The following TRPM3 variants were observed in gnomAD, a reference collection of about 807,000 sequenced individuals.
TRPM3 encodes transient receptor potential cation channel subfamily M member 3, also known as long transient receptor potential channel 3.
Under a neutral mutation model 181.2 loss-of-function variants are expected in TRPM3, and 77 were observed. The ratio of observed to expected loss-of-function variants is 0.42; its 90% CI spans 0.35 to 0.51. The LOEUF (loss-of-function observed/expected upper bound fraction) is 0.51, where lower values mean the gene tolerates loss of function less well. TRPM3 is among the 20% of genes least tolerant of loss of function. The probability of loss-of-function intolerance (pLI) is 0.01; values close to 1 mark genes in which losing one functional copy is unlikely to be tolerated. For missense variants in TRPM3, 1,759 were observed against 2,196.7 expected (o/e 0.80, Z 3.98); for synonymous variants, 745 against 796.4 (o/e 0.94, Z 1.09).
chr9:71,089,838 CAG>C (rs2065907489), intron 1 of TRPM3, among the ~76,000 whole-genome samples: 1 of 152,040 alleles, frequency 6.6e-6, no homozygotes, highest in South Asian at 2.1e-4. Context: ...AGGCTGCCAT[CAG>C]AGAGAGGAGC....
intron 1 of TRPM3, among the ~76,000 whole-genome samples, chr9:71,210,977 AC>A (rs2079461205): frequency 6.6e-6 from 1 of 152,142 alleles, no homozygotes; most frequent in Non-Finnish European, 1.5e-5. Flanking sequence ...TTAGGGCTCC[AC>A]CCTATGACCT....
At chr9:70,817,922 C>A (rs1224713280) in intron 6 of TRPM3, among the ~76,000 whole-genome samples, 1 of 151,926 alleles carries the variant, frequency 6.6e-6, no homozygotes, top group Non-Finnish European at 1.5e-5. Context: ...TTATTTCAAT[C>A]ATGTTGACGT....
At chr9:70,857,236 G>C (rs2095410527) in intron 3 of TRPM3, among the ~76,000 whole-genome samples, 2 of 152,114 alleles carry the variant, frequency 1.3e-5, no homozygotes, top group African/African-American at 4.8e-5. Flanking sequence ...GTAGGATGTG[G>C]CTTGGTACTT....
Position 70,802,050 on chromosome 9 carries a change from A to C in TRPM3, c.974-17771T>G, listed in dbSNP as rs148870852. On this transcript the variant is annotated intron_variant, in intron 6 of 25. Transcript: ENST00000677713. ...AGCAGGTCTAGAATAAGACCTGAGA[A>C]TGTACATTTCAAGGAAGTTTCCAAG... Among the ~76,000 whole-genome samples, 473 of 152,336 alleles carry C rather than the reference A, an allele frequency of 3.1e-3. 7 individuals carry two copies. The highest frequency in any genetic ancestry group is 0.011 in the African/African-American group (452 of 41,584).
intron 1 of TRPM3, among the ~76,000 whole-genome samples, chr9:71,251,168 T>C (rs991106499): frequency 9.2e-5 from 14 of 152,212 alleles, no homozygotes; most frequent in Non-Finnish European, 2.1e-4. Context: ...CCAAGACTTC[T>C]ACCAGCTTCA....
intron 1 of TRPM3, among the ~76,000 whole-genome samples, chr9:71,336,605 T>TAA (rs1400129845): frequency 2.0e-5 from 3 of 152,158 alleles, no homozygotes; most frequent in Non-Finnish European, 2.9e-5. Flanking sequence ...AAAACTACTT[T>TAA]AAATTTCATA....
chr9:71,236,899 T>C (rs2081378969), intron 1 of TRPM3, among the ~76,000 whole-genome samples: 1 of 151,784 alleles, frequency 6.6e-6, no homozygotes. Context: ...ACACAAAAAT[T>C]AGCCAGTCGT....
chr9:71,156,355 A>T (rs2075997852), intron 1 of TRPM3, among the ~76,000 whole-genome samples: 1 of 147,052 alleles, frequency 6.8e-6, no homozygotes, highest in African/African-American at 2.5e-5. Context: ...ATTGTTCATT[A>T]GGTATTATAT....
At chr9:70,993,456 G>A (rs2097508389) in intron 1 of TRPM3, among the ~76,000 whole-genome samples, 1 of 152,138 alleles carries the variant, frequency 6.6e-6, no homozygotes, top group Non-Finnish European at 1.5e-5. Flanking sequence ...CATAGAATGG[G>A]CGCTTTAGCA....
chr9:71,063,751 T>C (rs2061588564), intron 1 of TRPM3, among the ~76,000 whole-genome samples: 4 of 152,104 alleles, frequency 2.6e-5, no homozygotes, highest in Admixed American at 2.6e-4. Flanking sequence ...CACCTGAGAA[T>C]GCAGTATAAA....
At chr9:70,875,625 A>G (rs1406028574) in intron 1 of TRPM3, among the ~76,000 whole-genome samples, 1 of 151,982 alleles carries the variant, frequency 6.6e-6, no homozygotes, top group African/African-American at 2.4e-5. Flanking sequence ...TGCCATAGAG[A>G]GAATTTCCAA....
chr9:70,827,306 TAATA>T (rs2093614652), intron 6 of TRPM3: 4 of 152,112 alleles, frequency 2.6e-5, no homozygotes, highest in Admixed American at 6.5e-5. Flanking sequence ...AAAAAAAGCT[TAATA>T]AATAGAAACA....
intron 25 of TRPM3, among the ~76,000 whole-genome samples, chr9:70,547,672 T>C (rs1247691987): frequency 1.3e-5 from 2 of 152,134 alleles, no homozygotes; most frequent in African/African-American, 4.8e-5. Context: ...TGAGGTCATC[T>C]TGGTCTTTCA....
At chr9:71,287,283 A>T (rs1441524515) in intron 1 of TRPM3, among the ~76,000 whole-genome samples, 1 of 151,784 alleles carries the variant, frequency 6.6e-6, no homozygotes, top group African/African-American at 2.4e-5. Context: ...AATGCCAAGA[A>T]GAGGCAGAAA....
At chr9:71,168,802 T>C (rs1376330833) in intron 1 of TRPM3, among the ~76,000 whole-genome samples, 1 of 151,890 alleles carries the variant, frequency 6.6e-6, no homozygotes, top group East Asian at 1.9e-4. Flanking sequence ...AGAAGTAACT[T>C]AAATGAGTGA....
At chr9:71,380,963 G>T (rs560949100) in intron 1 of TRPM3, among the ~76,000 whole-genome samples, 1 of 151,986 alleles carries the variant, frequency 6.6e-6, no homozygotes, top group Non-Finnish European at 1.5e-5. Context: ...ACGACAAAAT[G>T]AAGATCTGGA....
intron 1 of TRPM3, among the ~76,000 whole-genome samples, chr9:71,334,426 C>T (rs955862314): frequency 6.6e-6 from 1 of 151,834 alleles, no homozygotes; most frequent in South Asian, 2.1e-4. Context: ...AAAATGTACT[C>T]CTGGATATAA....
intron 1 of TRPM3, among the ~76,000 whole-genome samples, chr9:70,993,695 G>A (rs377481913): frequency 1.1e-3 from 160 of 150,016 alleles, no homozygotes; most frequent in African/African-American, 2.9e-3. Flanking sequence ...TCTGTGGAAG[G>A]AGCACAGGCA....
chr9:70,928,877 T>C (rs1315938289), intron 1 of TRPM3, among the ~76,000 whole-genome samples: 1 of 152,172 alleles, frequency 6.6e-6, no homozygotes, highest in Non-Finnish European at 1.5e-5. Flanking sequence ...AGAGTCTAGT[T>C]TGAATGGGTT....
Sources: allele counts gnomAD v4.1 joint callset (sites outside exome capture counted in the v4.1 genomes callset), GRCh38; gene constraint gnomAD v4.1.1; transcripts MANE v1.5; gene names NCBI Gene and HGNC (gene_info 2026-07-23, HGNC 2026-07-21).